Variants in NRG1 observed in about 807,000 individuals in gnomAD.
The protein encoded by NRG1 is neuregulin 1.
A neutral mutation model predicts 63.8 loss-of-function variants in NRG1; 18 were observed. The observed-to-expected ratio is 0.28, with a 90% CI of 0.19 to 0.42. The LOEUF is 0.42. Ranked by LOEUF, NRG1 falls within the 10% of genes least tolerant of loss-of-function variation. NRG1 has a pLI of 1.00. For missense variants in NRG1, 762 were observed against 814.7 expected, an observed-to-expected ratio of 0.94 and a Z score of 0.79; for synonymous variants, 302 against 301.3, an observed-to-expected ratio of 1.00 and a Z score of -0.02.
chr8:32,388,922 T>C (rs1320520497), intron 1 of NRG1, among the ~76,000 whole-genome samples: 1 of 152,200 alleles, frequency 6.6e-6, no homozygotes, highest in Non-Finnish European at 1.5e-5. Flanking sequence ...TTCTGGGAAA[T>C]TTAGGGGCAT....
intron 1 of NRG1, among the ~76,000 whole-genome samples, chr8:31,686,287 C>G (rs1402418071): frequency 6.6e-6 from 1 of 152,122 alleles, no homozygotes; most frequent in Non-Finnish European, 1.5e-5. Flanking sequence ...AGTTTATCAT[C>G]ATTTATCAAA....
chr8:31,981,564 A>G (rs1255275787), intron 1 of NRG1, among the ~76,000 whole-genome samples: 1 of 152,102 alleles, frequency 6.6e-6, no homozygotes, highest in Non-Finnish European at 1.5e-5. Flanking sequence ...TGTCATAGGG[A>G]TTCCAAAATG....
intron 1 of NRG1, among the ~76,000 whole-genome samples, chr8:31,768,015 T>C (rs992168927): frequency 1.8e-4 from 27 of 152,152 alleles, no homozygotes; most frequent in African/African-American, 6.5e-4. Context: ...CCAGTCCACA[T>C]TTATCTTCTC....
chr8:31,748,312 C>A (rs1328592476), intron 1 of NRG1, among the ~76,000 whole-genome samples: 2 of 151,908 alleles, frequency 1.3e-5, no homozygotes. Flanking sequence ...CTCATTGAGT[C>A]CTCACAATAA....
chr8:31,706,850 C>T (rs966752414), intron 1 of NRG1, among the ~76,000 whole-genome samples: 24 of 151,862 alleles, frequency 1.6e-4, no homozygotes, highest in Admixed American at 6.6e-5. Context: ...TGATTTGTAT[C>T]TTTTATTTTT....
intron 1 of NRG1, among the ~76,000 whole-genome samples, chr8:31,681,215 G>C (rs1808309565): frequency 6.6e-6 from 1 of 151,926 alleles, no homozygotes; most frequent in Admixed American, 6.6e-5. Context: ...TATATAAGAA[G>C]ATAGCTTTAT....
At chr8:31,851,334 G>C (rs1158109140) in intron 1 of NRG1, among the ~76,000 whole-genome samples, 1 of 152,032 alleles carries the variant, frequency 6.6e-6, no homozygotes, top group East Asian at 1.9e-4. Context: ...TGTGGTTATT[G>C]TATCTGTAAA....
intron 1 of NRG1, among the ~76,000 whole-genome samples, chr8:32,117,631 C>G (rs887341400): frequency 6.6e-6 from 1 of 151,966 alleles, no homozygotes; most frequent in Non-Finnish European, 1.5e-5. Context: ...GCTAGTGATT[C>G]ACAATATTTG....
At chr8:31,987,799 A>G (rs948316115) in intron 1 of NRG1, among the ~76,000 whole-genome samples, 3 of 152,140 alleles carry the variant, frequency 2.0e-5, no homozygotes, top group Non-Finnish European at 2.9e-5. Context: ...CAGCATTTTA[A>G]ATAACCTCTA....
chr8:32,617,023 T>C, intron 5 of NRG1, 138 bp downstream of exon 5: 2 of 666,952 alleles, frequency 3.0e-6, no homozygotes, highest in Non-Finnish European at 5.4e-6. Flanking sequence ...ATTTGCTGTT[T>C]GGAGTAGAAA....
intron 1 of NRG1, among the ~76,000 whole-genome samples, chr8:32,396,398 A>G (rs924824987): frequency 2.0e-5 from 3 of 152,204 alleles, no homozygotes; most frequent in Admixed American, 6.5e-5. Flanking sequence ...ATTGTTTTTC[A>G]CATAGAGATC....
intron 1 of NRG1, among the ~76,000 whole-genome samples, chr8:32,513,707 T>TA (rs1306381081): frequency 2.6e-5 from 4 of 152,154 alleles, no homozygotes; most frequent in African/African-American, 9.7e-5. Context: ...AACAGCATTT[T>TA]TATATATATC....
At chr8:32,715,482 T>C (rs2128991746) in intron 5 of NRG1, among the ~76,000 whole-genome samples, 1 of 152,238 alleles carries the variant, frequency 6.6e-6, no homozygotes, top group South Asian at 2.1e-4. Context: ...TGGTGACTGA[T>C]TTCTATTCAG....
chr8:32,040,152 A>C (rs1819711213), intron 1 of NRG1, among the ~76,000 whole-genome samples: 1 of 152,198 alleles, frequency 6.6e-6, no homozygotes, highest in South Asian at 2.1e-4. Context: ...GGAAGAAAGC[A>C]ACTTTAAAGA....
intron 1 of NRG1, among the ~76,000 whole-genome samples, chr8:31,739,366 T>C (rs66743588): frequency 0.22 from 33,578 of 152,066 alleles, 4,748 homozygotes; most frequent in East Asian, 0.67. Context: ...TCATCTTGGT[T>C]TAGCATTTTT....
intron 1 of NRG1, among the ~76,000 whole-genome samples, chr8:32,016,922 A>G (rs536628295): frequency 9.2e-5 from 14 of 152,314 alleles, no homozygotes; most frequent in Non-Finnish European, 1.8e-4. Context: ...CCACTCCAAG[A>G]ATCATACCAT....
chr8:31,966,576 A>G (rs1252512018), intron 1 of NRG1, among the ~76,000 whole-genome samples: 2 of 152,174 alleles, frequency 1.3e-5, no homozygotes, highest in Non-Finnish European at 2.9e-5. Flanking sequence ...CCCTGATTAC[A>G]ATTTCCCCAC....
At chr8:32,230,880 C>T (rs917709037) in intron 1 of NRG1, among the ~76,000 whole-genome samples, 1 of 152,016 alleles carries the variant, frequency 6.6e-6, no homozygotes. Flanking sequence ...AGAAACAGTC[C>T]AATTCTCCTC....
chr8:32,506,813 G>A (rs1019685973), intron 1 of NRG1, among the ~76,000 whole-genome samples: 3 of 151,926 alleles, frequency 2.0e-5, no homozygotes, highest in Non-Finnish European at 2.9e-5. Flanking sequence ...CCAGAAGTTC[G>A]AGGCTGCAAT....
Sources: gnomAD v4.1 joint callset for allele counts (sites outside exome capture counted in the v4.1 genomes callset) on GRCh38, gnomAD v4.1.1 for gene constraint, MANE v1.5 for transcripts, NCBI Gene and HGNC (gene_info 2026-07-23, HGNC 2026-07-21) for gene names.